The following C5orf46 variants were observed in gnomAD, a reference collection of about 807,000 sequenced individuals.
The protein encoded by C5orf46 is uncharacterized protein C5orf46.
Under a neutral mutation model 8.9 loss-of-function variants are expected in C5orf46, and 9 were observed. The ratio of observed to expected loss-of-function variants is 1.01; its 90% CI spans 0.61 to 1.76. The LOEUF (loss-of-function observed/expected upper bound fraction) is 1.76, where lower values mean the gene tolerates loss of function less well. Among genes scored for constraint, C5orf46 ranks in the 40% most tolerant of loss-of-function variants. C5orf46 has a pLI of 0.00. For missense variants in C5orf46, 98 were observed against 107.8 expected, an observed-to-expected ratio of 0.91 and a Z score of 0.40; for synonymous variants, 47 against 41.4, an observed-to-expected ratio of 1.14 and a Z score of -0.52.
intron 1 of C5orf46, among the ~76,000 whole-genome samples, chr5:147,904,380 A>AT (rs1280849762): frequency 1.3e-5 from 2 of 152,044 alleles, no homozygotes; most frequent in Non-Finnish European, 1.5e-5. Flanking sequence ...TTTGAACCTA[A>AT]TTTTTTTTAA....
chr5:147,899,266 G>A (rs763832042), intron 2 of C5orf46, among the ~76,000 whole-genome samples: 1 of 152,154 alleles, frequency 6.6e-6, no homozygotes, highest in Non-Finnish European at 1.5e-5. Context: ...TAAGAGCCTA[G>A]ACTATTCCTT....
At chr5:147,903,937 G>A (rs1254144815) in intron 1 of C5orf46, among the ~76,000 whole-genome samples, 1 of 150,622 alleles carries the variant, frequency 6.6e-6, no homozygotes, top group Non-Finnish European at 1.5e-5. Context: ...GTGTAGAGAC[G>A]GGGTTTCGCC....
intron 2 of C5orf46, among the ~76,000 whole-genome samples, chr5:147,898,573 A>G (rs1757619028): frequency 6.6e-6 from 1 of 152,084 alleles, no homozygotes; most frequent in Middle Eastern, 3.2e-3. Context: ...TGAATTTGAA[A>G]CTCATTAGAT....
chr5:147,898,394 G>A (rs1253747876), intron 2 of C5orf46, among the ~76,000 whole-genome samples: 9 of 152,100 alleles, frequency 5.9e-5, no homozygotes, highest in Admixed American at 4.6e-4. Flanking sequence ...TCTGGATTCT[G>A]GGTGGATGAT....
intron 2 of C5orf46, among the ~76,000 whole-genome samples, chr5:147,899,619 C>T (rs1349188831): frequency 6.6e-6 from 1 of 152,190 alleles, no homozygotes; most frequent in Non-Finnish European, 1.5e-5. Context: ...TCTACTTTCA[C>T]TTAGCTACTT....
chr5:147,894,320 G>T (rs1757547646), intron 3 of C5orf46, among the ~76,000 whole-genome samples: 1 of 152,072 alleles, frequency 6.6e-6, no homozygotes, highest in African/African-American at 2.4e-5. Context: ...AACAATGCAG[G>T]ACAAATGGAG....
intron 2 of C5orf46, among the ~76,000 whole-genome samples, chr5:147,901,012 C>T (rs1252264663): frequency 6.6e-6 from 1 of 152,174 alleles, no homozygotes; most frequent in Non-Finnish European, 1.5e-5. Flanking sequence ...TGCCCGAAGG[C>T]AGTCTCTCAT....
At chr5:147,906,334 A>T in intron 1 of C5orf46, 98 bp downstream of exon 1, 1 of 666,130 alleles carries the variant, frequency 1.5e-6, no homozygotes, top group Non-Finnish European at 2.5e-6. Flanking sequence ...GTGCCCAAAG[A>T]CCCCTTCTTT....
chr5:147,895,639 A>C (rs183122237), intron 3 of C5orf46, among the ~76,000 whole-genome samples: 11 of 152,262 alleles, frequency 7.2e-5, no homozygotes, highest in African/African-American at 2.6e-4. Context: ...GACCTGTAGG[A>C]TGTACTCCAA....
intron 2 of C5orf46, chr5:147,886,234 A>G (rs1405504931): frequency 6.6e-6 from 1 of 152,142 alleles, no homozygotes; most frequent in South Asian, 2.1e-4. Context: ...AGAGATCCTT[A>G]TGAGGACAGA....
chr5:147,900,175 A>G (rs2127129825), intron 2 of C5orf46, among the ~76,000 whole-genome samples: 1 of 152,314 alleles, frequency 6.6e-6, no homozygotes, highest in Admixed American at 6.5e-5. Context: ...TTGTCGGCCT[A>G]TGACTTTCCT....
chr5:147,901,585 C>G (rs1414016532), intron 2 of C5orf46, 44 bp downstream of exon 2: 1 of 1,589,430 alleles, frequency 6.3e-7, no homozygotes, highest in Admixed American at 1.7e-5. Context: ...TGGTCATTAT[C>G]AACAGAGAAT....
chr5:147,893,272 C>T (rs2127124971), intron 3 of C5orf46, among the ~76,000 whole-genome samples: 1 of 149,752 alleles, frequency 6.7e-6, no homozygotes, highest in African/African-American at 2.4e-5. Context: ...AAAACTAAGT[C>T]ACATAAATCT....
At chr5:147,894,724 G>T (rs959817230) in intron 3 of C5orf46, among the ~76,000 whole-genome samples, 50 of 151,262 alleles carry the variant, frequency 3.3e-4, no homozygotes, top group African/African-American at 1.1e-3. Context: ...GATATAGTAG[G>T]TATGGATTAA....
At position 147,897,005 on chromosome 5, in the gene C5orf46, A is replaced by G. The variant is rs772637724; in HGVS notation, c.252T>C (p.His84=). The change falls in exon 3 of 4, where the codon CAT becomes CAC. Residue 84 remains histidine, a synonymous_variant. Coordinates refer to ENST00000318315, the MANE Select transcript of C5orf46 (RefSeq NM_206966.3). ...FMEFDDNEGK[H]SSK ...TCACCTGAGGATGTCACTTTGATGA[A>G]TGTTTTCCTTCATTATCATCAAATT... 11 of 1,515,074 alleles carry G rather than the reference A, an allele frequency of 7.3e-6. No homozygotes were observed. Among genetic ancestry groups the G allele is most frequent in the East Asian group, 2.3e-5 (1 of 43,236 alleles). The allele number at this position is 1,515,074 out of a possible 1,614,324, so 93.9% of individuals were successfully genotyped here.
chr5:147,887,130 A>G (rs1400484828), intron 2 of C5orf46: 2 of 152,296 alleles, frequency 1.3e-5, no homozygotes, highest in East Asian at 1.9e-4. Flanking sequence ...GTACAACCAG[A>G]CAGGTAAGTA....
chr5:147,895,143 C>G (rs1757561422), intron 3 of C5orf46, among the ~76,000 whole-genome samples: 1 of 152,056 alleles, frequency 6.6e-6, no homozygotes, highest in South Asian at 2.1e-4. Flanking sequence ...GAAATTCTGG[C>G]TGCATGCCAT....
intron 2 of C5orf46, among the ~76,000 whole-genome samples, chr5:147,900,450 T>C (rs1384689770): frequency 6.6e-6 from 1 of 152,120 alleles, no homozygotes; most frequent in Non-Finnish European, 1.5e-5. Flanking sequence ...CATGAACACT[T>C]TCCCCGGGAA....
intron 1 of C5orf46, among the ~76,000 whole-genome samples, chr5:147,902,405 C>T (rs960819293): frequency 6.6e-6 from 1 of 152,106 alleles, no homozygotes; most frequent in Non-Finnish European, 1.5e-5. Flanking sequence ...GAGCCATGAT[C>T]GTTCCACTGC....
Sources: allele counts gnomAD v4.1 joint callset (sites outside exome capture counted in the v4.1 genomes callset), GRCh38; gene constraint gnomAD v4.1.1; transcripts MANE v1.5; gene names NCBI Gene and HGNC (gene_info 2026-07-23, HGNC 2026-07-21).